The following ZNF518A variants were observed in gnomAD, a reference collection of about 807,000 sequenced individuals.
ZNF518A encodes zinc finger protein 518.
In ZNF518A, 47 loss-of-function variants were observed where a neutral mutation model predicts 102.7. The ratio of observed to expected loss-of-function variants is 0.46; its 90% CI spans 0.36 to 0.58. ZNF518A has a LOEUF of 0.58. ZNF518A is among the 20% of genes least tolerant of loss of function. The probability of loss-of-function intolerance (pLI) is 0.00; values close to 1 mark genes in which losing one functional copy is unlikely to be tolerated. For synonymous variants in ZNF518A, 652 were observed against 594.6 expected (o/e 1.10, Z -1.40); for missense variants, 1,793 against 1,699.8 (o/e 1.05, Z -0.96).
At position 96,187,360 on chromosome 10, in the gene ZNF518A, A is replaced by T. The variant is rs148028832; in HGVS notation, n.36-16214A>T. Among the ~76,000 whole-genome samples the T allele has an allele frequency of 2.6e-5, 4 of 152,298 alleles. No individual in the cohort carries two copies. In the East Asian group the frequency reaches 5.8e-4, roughly 22 times the overall value. On this transcript the variant is annotated intron_variant and non_coding_transcript_variant, in intron 1 of 2. Transcript: ENST00000442635. Reference sequence around the variant, plus strand: ...CTTACCTAGAAATAGAGGCTGAGTTATATGGTGTCTTAAGACCATTTTGAA... The same window carrying T: ...CTTACCTAGAAATAGAGGCTGAGTTTTATGGTGTCTTAAGACCATTTTGAA...
intron 3 of ZNF518A, among the ~76,000 whole-genome samples, chr10:96,140,975 T>A (rs2081895283): frequency 2.0e-5 from 3 of 152,102 alleles, no homozygotes; most frequent in Non-Finnish European, 2.9e-5. Flanking sequence ...TGGGAGTGAT[T>A]TCTGACTCTG....
In ZNF518A at chr10:96,189,031, A is replaced by G. The variant is rs587671016; in HGVS notation, n.36-14543A>G. On this transcript the variant is annotated intron_variant and non_coding_transcript_variant, in intron 1 of 2. Transcript: ENST00000442635. ...TCATGTCGTAATCTTTTTTTTCAAT[A>G]GAAACCATGCTACTTTATTAAAATG... Among the ~76,000 whole-genome samples the G allele has an allele frequency of 2.0e-5, 3 of 152,264 alleles. No individual in the cohort carries two copies. The South Asian group carries it at 6.2e-4, about 32-fold the overall frequency.
At chr10:96,192,820 T>C (rs2083362861) in intron 1 of ZNF518A, among the ~76,000 whole-genome samples, 1 of 152,210 alleles carries the variant, frequency 6.6e-6, no homozygotes, top group Admixed American at 6.5e-5. Context: ...ATTAAATTCA[T>C]TGAGTATACA....
intron 1 of ZNF518A, among the ~76,000 whole-genome samples, chr10:96,201,757 T>G (rs2083646615): frequency 6.6e-6 from 1 of 151,906 alleles, no homozygotes; most frequent in Middle Eastern, 3.2e-3. Flanking sequence ...CATTCATTCA[T>G]TCATTCATTC....
chr10:96,144,543 A>G (rs1432035216), intron 3 of ZNF518A, among the ~76,000 whole-genome samples: 2 of 152,212 alleles, frequency 1.3e-5, no homozygotes, highest in African/African-American at 4.8e-5. Context: ...GAAAATATAA[A>G]TTACCAAAGT....
At chr10:96,203,430 T>A (rs891616568) in intron 1 of ZNF518A, 1 of 152,218 alleles carries the variant, frequency 6.6e-6, no homozygotes, top group Admixed American at 6.5e-5. Context: ...GGATTTAAGC[T>A]TTATTATTTT....
In ZNF518A at chr10:96,156,491, A is replaced by T. The variant is rs782573027; in HGVS notation, c.169A>T (p.Ile57Phe). Reference sequence around the variant, plus strand: ...GAAAATTGATTTGCCAAAAATAAATATTCCAAATGAAGTCCTATTGAAACA... The same window carrying T: ...GAAAATTGATTTGCCAAAAATAAATTTTCCAAATGAAGTCCTATTGAAACA... The part of the protein sequence containing the change: ...NVKIDLPKIN[I>F]PNEVLLKHEV... Residue 57 changes from isoleucine to phenylalanine, a missense_variant, in exon 6 of 6, where the codon ATT becomes TTT. By Grantham distance (21) the Ile-to-Phe change is conservative. This residue lies in a region of ZNF518A where 1,741 missense variants were observed against 1,622.6 expected (regional missense o/e 1.07). Coordinates refer to ENST00000316045, the MANE Select transcript of ZNF518A (RefSeq NM_001330736.2). 7.4e-6 allele frequency: 12 copies of T among 1,610,832 alleles called. No homozygotes were observed. The South Asian group carries it at 1.3e-4, about 18-fold the overall frequency.
Position 96,177,713 on chromosome 10 carries a change from C to G in ZNF518A, n.35+21666C>G, listed in dbSNP as rs769796983. ...ATAAAATAGATTTTAAAACCTCAAG[C>G]CAACAGAAGGCACAAAATGGAAAAC... On this transcript the variant is annotated intron_variant and non_coding_transcript_variant, in intron 1 of 2. Transcript: ENST00000442635. Among the ~76,000 whole-genome samples, 82 of 151,922 alleles carry G rather than the reference C, an allele frequency of 5.4e-4. 1 individual carries two copies. The highest frequency in any genetic ancestry group is 1.6e-3 in the Admixed American group (24 of 15,260).
chr10:96,151,383 G>A (rs2082443212), intron 3 of ZNF518A: 1 of 152,256 alleles, frequency 6.6e-6, no homozygotes, highest in African/African-American at 2.4e-5. Context: ...TCTTTGTTCA[G>A]AAATAATGTC....
In ZNF518A at chr10:96,157,161, A is replaced by G; in HGVS notation, c.839A>G (p.His280Arg). ...GATRREHLVR[H>R]VITLHKEHLY... ...ACCAGGAGAGAACACCTTGTAAGACATGTTATAACTTTGCACAAAGAACAT... is the reference window on the plus strand; with the variant it reads ...ACCAGGAGAGAACACCTTGTAAGACGTGTTATAACTTTGCACAAAGAACAT... The change falls in exon 6 of 6, where the codon CAT (histidine) becomes CGT (arginine). Residue 280 changes from histidine to arginine, a missense_variant. By Grantham distance (29) the His-to-Arg change is conservative. Around this residue, in one of 3 missense-constraint regions of ZNF518A, gnomAD observed 1,741 missense variants for 1,622.6 expected, o/e 1.07. Transcript: ENST00000316045. 2 of 1,613,520 alleles carry G rather than the reference A, an allele frequency of 1.2e-6. No homozygotes were observed. Among genetic ancestry groups the G allele is most frequent in the South Asian group, 1.1e-5 (1 of 90,990 alleles).
At chr10:96,179,778 C>T (rs12770074) in intron 1 of ZNF518A, among the ~76,000 whole-genome samples, 5 of 126,978 alleles carry the variant, frequency 3.9e-5, no homozygotes, top group Non-Finnish European at 5.4e-5. Flanking sequence ...CTTCTTCTTC[C>T]TTTTCTTCTT....
chr10:96,153,145 G>C (rs782800183), intron 3 of ZNF518A, among the ~76,000 whole-genome samples: 7 of 152,238 alleles, frequency 4.6e-5, no homozygotes, highest in Admixed American at 2.0e-4. Context: ...CCTAAGGCTA[G>C]AGAGCCTGGA....
intron 1 of ZNF518A, among the ~76,000 whole-genome samples, chr10:96,198,382 A>G (rs1265019023): frequency 3.3e-5 from 5 of 152,258 alleles, no homozygotes; most frequent in African/African-American, 9.6e-5. Context: ...CTTATTGGAT[A>G]TAAGAGAAAA....
At chr10:96,145,941 C>T (rs1554878342) in intron 3 of ZNF518A, among the ~76,000 whole-genome samples, 1 of 152,194 alleles carries the variant, frequency 6.6e-6, no homozygotes, top group Non-Finnish European at 1.5e-5. Context: ...TGATCTAAGA[C>T]AGCATTTTAT....
chr10:96,150,801 C>T (rs2082415153), intron 3 of ZNF518A, among the ~76,000 whole-genome samples: 1 of 129,396 alleles, frequency 7.7e-6, no homozygotes, highest in African/African-American at 3.0e-5. Context: ...GCCTGGAGTG[C>T]AGTGGCGTGA....
intron 1 of ZNF518A, among the ~76,000 whole-genome samples, chr10:96,185,349 C>T (rs868922079): frequency 3.2e-4 from 48 of 152,048 alleles, no homozygotes; most frequent in African/African-American, 8.9e-4. Context: ...CCGTTGCTGG[C>T]GAGGAGAGGA....
chr10:96,167,489 A>G (rs2083148557), downstream of ZNF518A, among the ~76,000 whole-genome samples: 2 of 152,236 alleles, frequency 1.3e-5, no homozygotes, highest in African/African-American at 4.8e-5. Flanking sequence ...AAAGGAAGCC[A>G]GATGTGAAGA....
At chr10:96,141,549 G>A (rs2081927169) in intron 3 of ZNF518A, among the ~76,000 whole-genome samples, 1 of 152,070 alleles carries the variant, frequency 6.6e-6, no homozygotes, top group Non-Finnish European at 1.5e-5. Flanking sequence ...AGGTTTACCT[G>A]AACCAAGAAC....
intron 2 of ZNF518A, among the ~76,000 whole-genome samples, chr10:96,133,125 A>G (rs587756153): frequency 6.6e-6 from 1 of 152,304 alleles, no homozygotes; most frequent in African/African-American, 2.4e-5. Context: ...TTATTACTTA[A>G]CATTTTATTA....
Sources: gnomAD v4.1 joint callset for allele counts (sites outside exome capture counted in the v4.1 genomes callset) on GRCh38, gnomAD v4.1.1 for gene constraint, gnomAD v4.1.1 regional missense constraint, MANE v1.5 for transcripts, NCBI Gene and HGNC (gene_info 2026-07-23, HGNC 2026-07-21) for gene names.